Variants in VTI1A observed in about 807,000 individuals in gnomAD.
The protein encoded by VTI1A is vesicle transport through interaction with t-SNAREs 1A.
A neutral mutation model predicts 34.9 loss-of-function variants in VTI1A; 22 were observed. The observed-to-expected ratio is 0.63, with a 90% CI of 0.45 to 0.90. The LOEUF is 0.90. Among genes scored for constraint, VTI1A ranks in the 40% least tolerant of loss-of-function variants. The pLI, the probability that VTI1A is intolerant of heterozygous loss-of-function variation, is 0.00. For synonymous variants in VTI1A, 87 were observed against 97.3 expected, an observed-to-expected ratio of 0.89 and a Z score of 0.62; for missense variants, 268 against 275.6, an observed-to-expected ratio of 0.97 and a Z score of 0.20.
chr10:112,524,420 G>T (rs918590095), intron 3 of VTI1A, among the ~76,000 whole-genome samples: 24 of 152,082 alleles, frequency 1.6e-4, no homozygotes, highest in Non-Finnish European at 2.8e-4. Flanking sequence ...TCCTGTCAGA[G>T]AACACTTGGT....
At chr10:112,710,750 T>C (rs1489327325) in intron 7 of VTI1A, among the ~76,000 whole-genome samples, 1 of 152,174 alleles carries the variant, frequency 6.6e-6, no homozygotes, top group African/African-American at 2.4e-5. Flanking sequence ...GCCTTAGCTC[T>C]GAAGACTCTT....
chr10:112,480,255 G>A (rs1848418477), intron 3 of VTI1A, among the ~76,000 whole-genome samples: 1 of 152,194 alleles, frequency 6.6e-6, no homozygotes, highest in Admixed American at 6.5e-5. Context: ...GGAAGCTGAA[G>A]CTAAGAACTT....
chr10:112,550,187 TTAGAA>T (rs1386667618), intron 5 of VTI1A, among the ~76,000 whole-genome samples: 1 of 152,180 alleles, frequency 6.6e-6, no homozygotes, highest in African/African-American at 2.4e-5. Flanking sequence ...CTCTGTGAGT[TTAGAA>T]AAAGAATGAA....
chr10:112,789,619 T>A (rs527652365), intron 7 of VTI1A, among the ~76,000 whole-genome samples: 1 of 152,182 alleles, frequency 6.6e-6, no homozygotes, highest in Admixed American at 6.5e-5. Flanking sequence ...TTCATCAGTC[T>A]TTTTTCCTTT....
intron 5 of VTI1A, among the ~76,000 whole-genome samples, chr10:112,618,357 C>A (rs1282104055): frequency 6.6e-6 from 1 of 150,716 alleles, no homozygotes. Context: ...AAATTAGCCC[C>A]TACCTCATCA....
At chr10:112,582,294 G>GGGTA (rs1843980767) in intron 5 of VTI1A, among the ~76,000 whole-genome samples, 1 of 152,146 alleles carries the variant, frequency 6.6e-6, no homozygotes, top group African/African-American at 2.4e-5. Context: ...CCTCCCCAGT[G>GGGTA]TGCATTCTCC....
At chr10:112,600,158 A>G (rs1166800194) in intron 5 of VTI1A, among the ~76,000 whole-genome samples, 1 of 152,154 alleles carries the variant, frequency 6.6e-6, no homozygotes, top group Non-Finnish European at 1.5e-5. Flanking sequence ...AATGTTTGAA[A>G]ACCATGTGTG....
chr10:112,842,845 GT>G, the VTI1A span, among the ~76,000 whole-genome samples: 1 of 152,170 alleles, frequency 6.6e-6, no homozygotes, highest in East Asian at 1.9e-4. Context: ...TGTCAGGGGG[GT>G]TGGTCATGAA....
intron 7 of VTI1A, among the ~76,000 whole-genome samples, chr10:112,772,337 A>G: frequency 6.6e-6 from 1 of 152,170 alleles, no homozygotes; most frequent in Non-Finnish European, 1.5e-5. Context: ...CTTATTGGTC[A>G]TTGTTATATC....
intron 4 of VTI1A, among the ~76,000 whole-genome samples, chr10:112,537,268 C>A (rs575696170): frequency 7.5e-6 from 1 of 132,620 alleles, no homozygotes; most frequent in Admixed American, 8.0e-5. Flanking sequence ...CACACACGCA[C>A]ACACACACAG....
At chr10:112,689,157 C>T (rs1848530662) in intron 7 of VTI1A, among the ~76,000 whole-genome samples, 2 of 152,124 alleles carry the variant, frequency 1.3e-5, no homozygotes, top group Admixed American at 1.3e-4. Context: ...TATGTATAAG[C>T]AGAGCAGGCA....
At chr10:112,493,972 A>C (rs556766886) in intron 3 of VTI1A, among the ~76,000 whole-genome samples, 2 of 152,188 alleles carry the variant, frequency 1.3e-5, no homozygotes, top group South Asian at 2.1e-4. Context: ...CTAGTCTCAT[A>C]GAACAAGTTA....
chr10:112,572,822 G>A (rs1296099913), intron 5 of VTI1A, among the ~76,000 whole-genome samples: 1 of 140,272 alleles, frequency 7.1e-6, no homozygotes, highest in Non-Finnish European at 1.5e-5. Context: ...CTGGGCGACA[G>A]AGCGAGACTC....
chr10:112,548,865 G>T (rs1851237483), intron 5 of VTI1A: 10 of 1,405,522 alleles, frequency 7.1e-6, no homozygotes, highest in South Asian at 1.2e-5. Context: ...TACCGGAACG[G>T]TGATCAATCA....
At chr10:112,780,858 C>A (rs2134037571) in intron 7 of VTI1A, among the ~76,000 whole-genome samples, 1 of 152,268 alleles carries the variant, frequency 6.6e-6, no homozygotes, top group South Asian at 2.1e-4. Context: ...TGTTCCTCTA[C>A]AGATAAAGGG....
At chr10:112,622,405 G>C (rs574687091) in intron 5 of VTI1A, among the ~76,000 whole-genome samples, 2 of 149,760 alleles carry the variant, frequency 1.3e-5, no homozygotes, top group East Asian at 3.9e-4. Context: ...TGCAGACCAA[G>C]AGTGCTATTT....
At chr10:112,562,950 A>G (rs1464202259) in intron 5 of VTI1A, among the ~76,000 whole-genome samples, 2 of 152,098 alleles carry the variant, frequency 1.3e-5, no homozygotes, top group Non-Finnish European at 2.9e-5. Context: ...CCCCATATCT[A>G]CCTTCTCCAC....
chr10:112,473,288 T>C (rs2134077118), intron 3 of VTI1A, among the ~76,000 whole-genome samples: 1 of 152,134 alleles, frequency 6.6e-6, no homozygotes, highest in Non-Finnish European at 1.5e-5. Flanking sequence ...TTTGTATTTT[T>C]AGTAGAGACG....
At position 112,748,782 on chromosome 10, in the gene VTI1A, T is replaced by C. The variant is rs544145886; in HGVS notation, c.561-66508T>C. 3.7e-4 allele frequency among the ~76,000 whole-genome samples: 56 copies of C among 150,538 alleles called. No individual in the cohort carries two copies. The East Asian group carries it at 0.01, about 28-fold the overall frequency. ...CTGGGACTACAGATGCCCGCCACCA[T>C]GCCCGGCTAATTTTTTTTTTTTATT... On this transcript the variant is annotated intron_variant, in intron 7 of 7. Transcript: ENST00000393077.
Sources: gnomAD v4.1 joint callset for allele counts (sites outside exome capture counted in the v4.1 genomes callset) on GRCh38, gnomAD v4.1.1 for gene constraint, MANE v1.5 for transcripts, NCBI Gene and HGNC (gene_info 2026-07-23, HGNC 2026-07-21) for gene names.